The following CACNA1B variants were observed in gnomAD, a reference collection of about 807,000 sequenced individuals.
The protein encoded by CACNA1B is calcium voltage-gated channel subunit alpha1 B, also known as voltage-dependent N-type calcium channel subunit alpha-1B.
CACNA1B carries 70 observed loss-of-function variants against 247.2 expected under a neutral mutation model. The ratio of observed to expected loss-of-function variants is 0.28; its 90% CI spans 0.23 to 0.35. The LOEUF is 0.35. Ranked by LOEUF, CACNA1B falls within the 10% of genes least tolerant of loss-of-function variation. The probability of loss-of-function intolerance (pLI) is 1.00; values close to 1 mark genes in which losing one functional copy is unlikely to be tolerated. For synonymous variants in CACNA1B, 1,231 were observed against 1,294.4 expected (o/e 0.95, Z 1.05); for missense variants, 2,367 against 3,197.4 (o/e 0.74, Z 6.26).
intron 20 of CACNA1B, among the ~76,000 whole-genome samples, chr9:138,035,190 G>A (rs1959028127): frequency 6.6e-6 from 1 of 152,238 alleles, no homozygotes; most frequent in Admixed American, 6.5e-5. Flanking sequence ...CGGGCACAGT[G>A]GCTCATGCCT....
chr9:138,040,292 A>G (rs1959101599), intron 20 of CACNA1B, among the ~76,000 whole-genome samples: 1 of 151,994 alleles, frequency 6.6e-6, no homozygotes, highest in South Asian at 2.1e-4. Context: ...TGAAGTCTTT[A>G]GGGGTGTGAG....
At position 137,879,090 on chromosome 9, in the gene CACNA1B, C is replaced by T; in HGVS notation, c.321C>T (p.Ala107=). Residue 107 remains alanine (A), a synonymous_variant, in exon 2 of 47, where the codon GCC becomes GCT. Coordinates refer to ENST00000371372, the MANE Select transcript of CACNA1B (RefSeq NM_000718.4). The part of the protein sequence containing the change: ...FEYMILATII[A]NCIVLALEQH... ...ATATGATCCTGGCCACCATCATCGC[C>T]AACTGCATCGTGCTGGCCCTGGAGC... The T allele has an allele frequency of 6.2e-7, 1 of 1,612,796 alleles. No homozygotes were observed. Among genetic ancestry groups the T allele is most frequent in the Non-Finnish European group, 8.5e-7 (1 of 1,179,506 alleles).
At chr9:138,006,647 T>TGTGTGGACGTGGCAGTGC (rs1958654402) in intron 15 of CACNA1B, 120 bp from the exon 16 acceptor site, 1 of 662,210 alleles carries the variant, frequency 1.5e-6, no homozygotes. Context: ...TGGATGTGCA[T>TGTGTGGACGTGGCAGTGC]GTGTGGACGT....
In CACNA1B at chr9:137,882,661, G is replaced by A; in HGVS notation, c.391-83G>A. 6.7e-7 allele frequency: 1 copy of A among 1,498,136 alleles called. No individual in the cohort carries two copies. The highest frequency in any genetic ancestry group is 9.2e-7 in the Non-Finnish European group (1 of 1,082,428). The allele number at this position is 1,498,136 out of a possible 1,614,324, so 92.8% of individuals were successfully genotyped here. A position where few individuals can be genotyped will look rare whatever the true frequency, so the allele number is the denominator to read the frequency against. On this transcript the variant is annotated intron_variant, in intron 2 of 46. Transcript: ENST00000371372. This position sits in a 1 kb window ranked among gnomAD's most constrained non-coding sequence, Gnocchi z 4.0. ...CGATAGCTGTGGCCTGCACATGGTG[G>A]GGTGGGGTCCTCACCAACCGTCTCT...
intron 15 of CACNA1B, among the ~76,000 whole-genome samples, chr9:137,989,894 T>C (rs755613072): frequency 6.6e-5 from 10 of 152,226 alleles, no homozygotes; most frequent in Non-Finnish European, 1.5e-4. Flanking sequence ...AATGGAACCA[T>C]TTCAGAAATT....
chr9:138,075,811 C>T lies in CACNA1B; in HGVS notation c.4858-8C>T, dbSNP rs1465458322. On this transcript the variant is annotated splice_region_variant and splice_polypyrimidine_tract_variant and intron_variant, in intron 34 of 46. Transcript: ENST00000371372. The stretch of plus-strand genomic sequence containing the variant: ...CAGGGTCCGTGCCATTGCTCTTCTC[C>T]ATTGCAGGTGTTTGGGAATATTGCC... 1.3e-6 allele frequency: 2 copies of T among 1,586,888 alleles called. No homozygotes were observed. The highest frequency in any genetic ancestry group is 2.2e-5 in the East Asian group (1 of 44,638).
At chr9:138,042,620 C>T (rs1271545360) in intron 20 of CACNA1B, among the ~76,000 whole-genome samples, 1 of 152,084 alleles carries the variant, frequency 6.6e-6, no homozygotes, top group Admixed American at 6.6e-5. Context: ...TTTTTGTTTT[C>T]AACAGGGAAG....
chr9:137,915,578 A>T (rs2133280643), intron 5 of CACNA1B, among the ~76,000 whole-genome samples: 1 of 152,264 alleles, frequency 6.6e-6, no homozygotes, highest in Non-Finnish European at 1.5e-5. Context: ...TAGTCCCAGC[A>T]CTTTTAGAAA....
chr9:138,035,708 C>T (rs532073360), intron 20 of CACNA1B, among the ~76,000 whole-genome samples: 1 of 151,942 alleles, frequency 6.6e-6, no homozygotes, highest in Non-Finnish European at 1.5e-5. Context: ...TTTTTGTTTT[C>T]TGTTTCACCA....
chr9:138,116,932 T>C (rs1961888418), intron 42 of CACNA1B, among the ~76,000 whole-genome samples: 1 of 152,172 alleles, frequency 6.6e-6, no homozygotes, highest in South Asian at 2.1e-4. Context: ...ATGGGGCTTC[T>C]CAGAAGCCCC....
At position 137,971,681 on chromosome 9, in the gene CACNA1B, GGT is replaced by G; in HGVS notation, c.1543+91_1543+92del. On this transcript the variant is annotated intron_variant, in intron 11 of 46. Coordinates refer to ENST00000371372, the MANE Select transcript of CACNA1B (RefSeq NM_000718.4). The surrounding 1 kb of genome is among the most constrained non-coding windows in gnomAD (Gnocchi z 4.4). ...TGGTCCATGCCCTGGGGCTACCCCAGGTGGGACGGGACCCACCCCCATGTTGC... is the reference window on the plus strand; with the variant it reads ...TGGTCCATGCCCTGGGGCTACCCCAGGGGACGGGACCCACCCCCATGTTGC... The G allele has an allele frequency of 1.8e-6, 2 of 1,127,896 alleles. No individual in the cohort carries two copies. Among genetic ancestry groups the G allele is most frequent in the South Asian group, 1.4e-5 (1 of 71,726 alleles). 69.9% of individuals were successfully genotyped at this position (1,127,896 alleles called of 1,614,324 possible).
intron 6 of CACNA1B, among the ~76,000 whole-genome samples, chr9:137,928,162 A>G (rs1957572504): frequency 6.6e-6 from 1 of 152,000 alleles, no homozygotes; most frequent in Admixed American, 6.6e-5. Context: ...CAGTGTTGTG[A>G]TCTTGGCTCA....
At chr9:137,901,686 ATT>A (rs57624388) in intron 3 of CACNA1B, among the ~76,000 whole-genome samples, 12,575 of 111,866 alleles carry the variant, frequency 0.11, 420 homozygotes, top group Admixed American at 0.13. Flanking sequence ...TTTTTTTGTG[ATT>A]TTTTTTTTTT....
chr9:138,118,063 G>A lies in CACNA1B; in HGVS notation c.5895G>A (p.Val1965=). The A allele has an allele frequency of 1.3e-6, 2 of 1,586,962 alleles. No homozygotes were observed. Among genetic ancestry groups the A allele is most frequent in the Non-Finnish European group, 1.7e-6 (2 of 1,166,078 alleles). The stretch of plus-strand genomic sequence containing the variant: ...GTGGCCACTCCACAGAGATCCCTGT[G>A]GGGCGGTCAGGAGCACTGGTGAGCA... The part of the protein sequence containing the change: ...LERGHSTEIP[V]GRSGALAVDV... The change falls in exon 43 of 47, where the codon GTG becomes GTA. Residue 1965 remains valine (V), a synonymous_variant. Coordinates refer to ENST00000371372, the MANE Select transcript of CACNA1B (RefSeq NM_000718.4).
In CACNA1B at chr9:138,020,960, CT is replaced by C. The variant is rs1958838096; in HGVS notation, c.2268-2049del. Among the ~76,000 whole-genome samples the C allele has an allele frequency of 6.6e-6, 1 of 152,230 alleles. No homozygotes were observed. The highest frequency in any genetic ancestry group is 2.1e-4 in the South Asian group (1 of 4,836). On this transcript the variant is annotated intron_variant, in intron 18 of 46. Transcript: ENST00000371372. This position sits in a 1 kb window ranked among gnomAD's most constrained non-coding sequence, Gnocchi z 4.1. ...CAATGCTGGTCCCCAAGATTCACGG[CT>C]TCATCAGAGCGGGCCACCCTGCTGA...
intron 31 of CACNA1B, among the ~76,000 whole-genome samples, chr9:138,067,359 A>AT (rs1319868311): frequency 6.6e-6 from 1 of 152,242 alleles, no homozygotes; most frequent in African/African-American, 2.4e-5. Context: ...AAGAGTGAAC[A>AT]TTCTCTAACT....
intron 23 of CACNA1B, among the ~76,000 whole-genome samples, chr9:138,048,149 C>T (rs1045891300): frequency 1.3e-5 from 2 of 152,228 alleles, no homozygotes; most frequent in African/African-American, 4.8e-5. Context: ...TCTGCTATTT[C>T]ACTCTTGCAA....
At chr9:137,927,800 A>C (rs1031510444) in intron 6 of CACNA1B, among the ~76,000 whole-genome samples, 1 of 152,184 alleles carries the variant, frequency 6.6e-6, no homozygotes, top group African/African-American at 2.4e-5. Flanking sequence ...AAGTTGGGGC[A>C]GTTCTACTCT....
rs1959595402 is a variant in CACNA1B at position 138,058,474 on chromosome 9, C to G, written c.4309-95C>G. On this transcript the variant is annotated intron_variant, in intron 28 of 46. Transcript: ENST00000371372. This position sits in a 1 kb window ranked among gnomAD's most constrained non-coding sequence, Gnocchi z 4.7. ...CAATTTGTCTTCTGTTGTCAGGGCT[C>G]CCTGTGAGGCCTGGCGAGACAGGGC... 3 of 1,188,226 alleles carry G rather than the reference C, an allele frequency of 2.5e-6. No homozygotes were observed. In the East Asian group the frequency reaches 7.2e-5, roughly 29 times the overall value. 73.6% of individuals were successfully genotyped at this position (1,188,226 alleles called of 1,614,324 possible).
Sources: allele counts gnomAD v4.1 joint callset (sites outside exome capture counted in the v4.1 genomes callset), GRCh38; gene constraint gnomAD v4.1.1; non-coding constraint Gnocchi (gnomAD v3.1); transcripts MANE v1.5; gene names NCBI Gene and HGNC (gene_info 2026-07-23, HGNC 2026-07-21).